Variants in BCL7B observed in about 807,000 individuals in gnomAD.
The protein encoded by BCL7B is B-cell CLL/lymphoma 7 protein family member B.
BCL7B carries 11 observed loss-of-function variants against 26.5 expected under a neutral mutation model. The observed-to-expected ratio is 0.42, with a 90% CI of 0.26 to 0.69. BCL7B has a LOEUF of 0.69. Ranked by LOEUF, BCL7B falls within the 30% of genes least tolerant of loss-of-function variation. The pLI, the probability that BCL7B is intolerant of heterozygous loss-of-function variation, is 0.28. For missense variants in BCL7B, 215 were observed against 264.4 expected, an observed-to-expected ratio of 0.81 and a Z score of 1.30; for synonymous variants, 111 against 107.9, an observed-to-expected ratio of 1.03 and a Z score of -0.18.
intron 5 of BCL7B, 65 bp from the exon 6 acceptor site, chr7:73,537,455 C>T (rs1195306222): frequency 3.8e-5 from 47 of 1,243,578 alleles, no homozygotes; most frequent in East Asian, 1.4e-4. Context: ...CCCACCCACC[C>T]GAATTATAAT....
At chr7:73,540,074 G>T (rs1554582658) in intron 3 of BCL7B, 22 bp from the exon 4 acceptor site, 1 of 1,608,376 alleles carries the variant, frequency 6.2e-7, no homozygotes, top group Non-Finnish European at 8.5e-7. Flanking sequence ...ACAGAACAAA[G>T]GCAGCAGCTG....
At chr7:73,552,776 C>T (rs1360789220) in intron 1 of BCL7B, among the ~76,000 whole-genome samples, 1 of 149,722 alleles carries the variant, frequency 6.7e-6, no homozygotes, top group Non-Finnish European at 1.5e-5. Flanking sequence ...GACCCTGTCT[C>T]AAAAGAAAGA....
At chr7:73,548,966 A>G (rs1294393569) in intron 2 of BCL7B, among the ~76,000 whole-genome samples, 1 of 152,160 alleles carries the variant, frequency 6.6e-6, no homozygotes, top group African/African-American at 2.4e-5. Flanking sequence ...AAACTCCAAA[A>G]AACAAAACTC....
chr7:73,540,404 C>T (rs1791711229), intron 3 of BCL7B: 1 of 199,296 alleles, frequency 5.0e-6, no homozygotes, highest in Non-Finnish European at 1.1e-5. Context: ...TGTCAGGCAT[C>T]CTTGGGCATC....
chr7:73,544,783 G>A (rs1554583321), intron 2 of BCL7B, among the ~76,000 whole-genome samples: 2 of 152,154 alleles, frequency 1.3e-5, no homozygotes, highest in Non-Finnish European at 2.9e-5. Context: ...CAAGGGCCAG[G>A]CACAGTGGCT....
At chr7:73,551,862 G>C (rs1419441768) in intron 2 of BCL7B, among the ~76,000 whole-genome samples, 4 of 152,056 alleles carry the variant, frequency 2.6e-5, no homozygotes, top group African/African-American at 9.7e-5. Flanking sequence ...TTGGGAGGCT[G>C]AGGCAGGTGG....
intron 1 of BCL7B, chr7:73,556,937 C>A: frequency 1.0e-6 from 1 of 990,006 alleles, no homozygotes. Context: ...AAATGCCTAC[C>A]AAGCTCGCGG....
chr7:73,546,569 G>A (rs1247455942), intron 2 of BCL7B, among the ~76,000 whole-genome samples: 4 of 151,820 alleles, frequency 2.6e-5, no homozygotes, highest in Non-Finnish European at 5.9e-5. Flanking sequence ...TCAGGAGGCT[G>A]AGGCAGTAGA....
rs553463185 is a variant in BCL7B at position 73,540,720 on chromosome 7, C to T, written c.266-668G>A. On this transcript the variant is annotated intron_variant, in intron 3 of 5. Coordinates refer to ENST00000223368, the MANE Select transcript of BCL7B (RefSeq NM_001707.4). The stretch of plus-strand genomic sequence containing the variant: ...TGGTGGGCACCTGTAGTTCCAGCTA[C>T]TCAGGAGGCTGAGGCAGAAGAATGG... 1.4e-4 allele frequency among the ~76,000 whole-genome samples: 21 copies of T among 146,878 alleles called. 1 individual carries two copies. In the South Asian group the frequency reaches 4.6e-3, roughly 32 times the overall value.
At chr7:73,552,304 T>C in intron 1 of BCL7B, 62 bp from the exon 2 acceptor site, 2 of 1,355,744 alleles carry the variant, frequency 1.5e-6, no homozygotes, top group Non-Finnish European at 2.1e-6. Context: ...GTTCATCACT[T>C]GTGTTTTTCT....
intron 1 of BCL7B, 37 bp from the exon 2 acceptor site, chr7:73,552,279 T>A (rs781907082): frequency 4.0e-6 from 6 of 1,513,092 alleles, no homozygotes; most frequent in Non-Finnish European, 5.5e-6. Context: ...GATAAAACAA[T>A]GCAATGTGTT....
At chr7:73,553,672 C>CA (rs3216224) in intron 1 of BCL7B, 362 of 137,358 alleles carry the variant, frequency 2.6e-3, no homozygotes, top group African/African-American at 7.7e-3. Flanking sequence ...GATTCCGTCT[C>CA]AAAAAAAAAA....
At chr7:73,544,297 T>C (rs1057393352) in intron 2 of BCL7B, among the ~76,000 whole-genome samples, 2 of 152,164 alleles carry the variant, frequency 1.3e-5, no homozygotes, top group African/African-American at 4.8e-5. Flanking sequence ...GGCATGTGCC[T>C]GTAATCCCAG....
At chr7:73,551,843 C>T (rs995080496) in intron 2 of BCL7B, among the ~76,000 whole-genome samples, 1 of 152,068 alleles carries the variant, frequency 6.6e-6, no homozygotes, top group Non-Finnish European at 1.5e-5. Flanking sequence ...CGCCTGTAAT[C>T]CCAGCACTTT....
Position 73,557,639 on chromosome 7 carries a change from C to T in BCL7B, c.-61G>A. 2 of 1,037,774 alleles carry T rather than the reference C, an allele frequency of 1.9e-6. No homozygotes were observed. Among genetic ancestry groups the T allele is most frequent in the Non-Finnish European group, 2.4e-6 (2 of 831,392 alleles). The allele number at this position is 1,037,774 out of a possible 1,614,324, so 64.3% of individuals were successfully genotyped here. ...TCCCAAGACACCGGGGATCGCGCGC[C>T]TCACGCGCCGCCGCCCGCCCGCCGC... On this transcript the variant is annotated 5_prime_UTR_variant, in exon 1 of 6. Transcript: ENST00000223368.
At chr7:73,537,872 C>T in intron 5 of BCL7B, 62 bp downstream of exon 5, 1 of 1,277,342 alleles carries the variant, frequency 7.8e-7, no homozygotes, top group African/African-American at 1.5e-5. Context: ...GTCTGGGCAA[C>T]AGCGAGACCC....
At chr7:73,557,317 C>T in intron 1 of BCL7B, 170 bp downstream of exon 1, 2 of 1,168,904 alleles carry the variant, frequency 1.7e-6, no homozygotes, top group Non-Finnish European at 1.1e-6. Flanking sequence ...TGGCCGCGGC[C>T]GGCGCGCCCT....
intron 4 of BCL7B, among the ~76,000 whole-genome samples, chr7:73,538,839 GAAAA>G (rs1436800631): frequency 2.4e-5 from 3 of 125,134 alleles, no homozygotes; most frequent in Non-Finnish European, 3.5e-5. Context: ...AAAAAAAAAA[GAAAA>G]GAAAAAAATT....
At chr7:73,549,976 G>A (rs560032988) in intron 2 of BCL7B, among the ~76,000 whole-genome samples, 5 of 152,320 alleles carry the variant, frequency 3.3e-5, no homozygotes, top group African/African-American at 1.2e-4. Context: ...GGTCTGCTGG[G>A]GTCTTGGCAA....
Sources: gnomAD v4.1 joint callset for allele counts (sites outside exome capture counted in the v4.1 genomes callset) on GRCh38, gnomAD v4.1.1 for gene constraint, MANE v1.5 for transcripts, NCBI Gene and HGNC (gene_info 2026-07-23, HGNC 2026-07-21) for gene names.